Variants in GAS7 observed in about 807,000 individuals in gnomAD.
The protein encoded by GAS7 is growth arrest-specific protein 7.
GAS7 carries 28 observed loss-of-function variants against 71.1 expected under a neutral mutation model. That is an observed-to-expected ratio of 0.39 (90% CI 0.29 to 0.54). The LOEUF is 0.54. GAS7 is among the 20% of genes least tolerant of loss of function. GAS7 has a pLI of 0.62. For missense variants in GAS7, 436 were observed against 627.8 expected, an observed-to-expected ratio of 0.69 and a Z score of 3.27; for synonymous variants, 258 against 245.8, an observed-to-expected ratio of 1.05 and a Z score of -0.46.
At chr17:10,072,304 T>G (rs1381667579) in intron 1 of GAS7, among the ~76,000 whole-genome samples, 1 of 152,176 alleles carries the variant, frequency 6.6e-6, no homozygotes, top group Non-Finnish European at 1.5e-5. Flanking sequence ...AAGGAAAGAC[T>G]GGGGCCCCAG....
At chr17:10,016,594 G>T (rs1597695300) in intron 2 of GAS7, among the ~76,000 whole-genome samples, 2 of 99,664 alleles carry the variant, frequency 2.0e-5, no homozygotes, top group Admixed American at 1.4e-4. Flanking sequence ...CTGAAACCCT[G>T]TCTCTACCAA....
chr17:10,084,232 G>C (rs556832771), intron 1 of GAS7, among the ~76,000 whole-genome samples: 303 of 152,192 alleles, frequency 2.0e-3, no homozygotes, highest in Middle Eastern at 0.01. Context: ...TATATTGGTG[G>C]GGGCAGGAAT....
At chr17:10,146,970 G>T (rs1014712521) in intron 1 of GAS7, among the ~76,000 whole-genome samples, 2 of 100,724 alleles carry the variant, frequency 2.0e-5, no homozygotes, top group Non-Finnish European at 4.8e-5. Context: ...TAAAAAAAAC[G>T]ATCTCTGTCT....
In GAS7 at chr17:10,010,657, A is replaced by G. The variant is rs1041729392; in HGVS notation, c.304+9120T>C. On this transcript the variant is annotated intron_variant, in intron 2 of 13. Coordinates refer to ENST00000432992, the MANE Select transcript of GAS7 (RefSeq NM_201433.2). ...TATTACACCTAAACTACTGAATACT[A>G]TAGCTTCGCCTCACCTACCTTAGAC... is the stretch of plus-strand genomic sequence containing the variant. Among the ~76,000 whole-genome samples the G allele has an allele frequency of 7.9e-5, 12 of 152,354 alleles. No homozygotes were observed. The South Asian group carries it at 8.3e-4, about 11-fold the overall frequency.
At chr17:10,114,768 CG>C (rs947967346) in intron 1 of GAS7, among the ~76,000 whole-genome samples, 1 of 151,828 alleles carries the variant, frequency 6.6e-6, no homozygotes, top group African/African-American at 2.4e-5. Flanking sequence ...CCACAGAGAT[CG>C]CATTTTTCCA....
chr17:10,022,649 G>C (rs2072314139), intron 1 of GAS7, among the ~76,000 whole-genome samples: 1 of 152,226 alleles, frequency 6.6e-6, no homozygotes, highest in South Asian at 2.1e-4. Flanking sequence ...GACGGAGAGG[G>C]TAACAATACG....
chr17:10,019,871 C>T lies in GAS7; in HGVS notation c.210G>A (p.Pro70=), dbSNP rs754969105. The change falls in exon 2 of 14, where the codon CCG becomes CCA. Residue 70 remains proline, a synonymous_variant. Transcript: ENST00000432992. Reference sequence around the variant, plus strand: ...GGATGACCGTCTGGCTTTCTTCTCCCGGCGGAGGGGGGACCATTCCAGGCT... The same window carrying T: ...GGATGACCGTCTGGCTTTCTTCTCCTGGCGGAGGGGGGACCATTCCAGGCT... ...LEKPGMVPPP[P]GEESQTVILP... 28 of 1,613,774 alleles carry T rather than the reference C, an allele frequency of 1.7e-5. No homozygotes were observed. The highest frequency in any genetic ancestry group is 1.0e-4 in the Admixed American group (6 of 60,004).
rs1162832538 is a variant in GAS7, at chr17:9,969,552, C to A, written c.471+125G>T. ...CACTGAAACAACCCAGACACAGCAA[C>A]CACTTTCTACCTGGGGGCAGAACTG... On this transcript the variant is annotated intron_variant, in intron 4 of 13. Transcript: ENST00000432992. This position sits in a 1 kb window ranked among gnomAD's most constrained non-coding sequence, Gnocchi z 5.5. The A allele has an allele frequency of 1.5e-6, 1 of 649,156 alleles. No homozygotes were observed. The highest frequency in any genetic ancestry group is 1.8e-5 in the African/African-American group (1 of 55,198). The allele number at this position is 649,156 out of a possible 1,614,324, so 40.2% of individuals were successfully genotyped here. A position where few individuals can be genotyped will look rare whatever the true frequency, so the allele number is the denominator to read the frequency against.
rs113428621 is a variant in GAS7, at chr17:10,105,977, A to G, written c.184-86080T>C. On this transcript the variant is annotated intron_variant, in intron 1 of 13. Transcript: ENST00000432992. ...AGTCTCTCACAACCATCACCTTCTCATCATTATCCCTGCCACCACCCAGGC... is the reference window on the plus strand; with the variant it reads ...AGTCTCTCACAACCATCACCTTCTCGTCATTATCCCTGCCACCACCCAGGC... Among the ~76,000 whole-genome samples the G allele has an allele frequency of 9.9e-3, 1,505 of 152,032 alleles. 26 individuals carry two copies. Among genetic ancestry groups the G allele is most frequent in the African/African-American group, 0.035 (1,440 of 41,474 alleles).
At chr17:10,036,631 GCTCATT>G in intron 1 of GAS7, 2 of 1,438,606 alleles carry the variant, frequency 1.4e-6, no homozygotes, top group Non-Finnish European at 1.8e-6. Context: ...CTGTGGCTTT[GCTCATT>G]GCTGTTCTTT....
In GAS7 at chr17:9,943,187, A is replaced by G. The variant is rs1326389556; in HGVS notation, c.665T>C (p.Leu222Pro). 4 of 1,613,616 alleles carry G rather than the reference A, an allele frequency of 2.5e-6. No homozygotes were observed. Among genetic ancestry groups the G allele is most frequent in the African/African-American group, 1.3e-5 (1 of 75,010 alleles). ...QGNGTVAGFE[L>P]LLQKQLKGKQ... ...GCCCTTCAGCTGTTTCTGGAGCAGT[A>G]GTTCAAACCCAGCCACGGTGCCGTT... The change falls in exon 7 of 14, where the codon CTA (leucine) becomes CCA (proline). Residue 222 changes from leucine to proline, a missense_variant. Coordinates refer to ENST00000432992, the MANE Select transcript of GAS7 (RefSeq NM_201433.2).
chr17:9,923,862 C>A (rs752967913), intron 11 of GAS7, among the ~76,000 whole-genome samples: 2 of 152,196 alleles, frequency 1.3e-5, no homozygotes, highest in Non-Finnish European at 2.9e-5. Flanking sequence ...CTGAAACAAT[C>A]TAAGAGTCCT....
At chr17:10,070,366 T>TTA (rs2073327910) in intron 1 of GAS7, among the ~76,000 whole-genome samples, 2 of 136,286 alleles carry the variant, frequency 1.5e-5, no homozygotes, top group Admixed American at 7.3e-5. Context: ...TTTTTTTTTT[T>TTA]AATTTTTAAT....
chr17:10,015,847 C>T (rs1344163901), intron 2 of GAS7, among the ~76,000 whole-genome samples: 1 of 152,148 alleles, frequency 6.6e-6, no homozygotes, highest in East Asian at 1.9e-4. Context: ...CAGGAAGCCT[C>T]CCCTGATTCC....
chr17:9,959,523 C>G lies in GAS7; in HGVS notation c.472-268G>C, dbSNP rs2069393076. ...TCCAAACCAGGTCTCCCCTCCTCTTCTCTCAGTCTGTGATTTGGGGAGTTA... is the reference window on the plus strand; with the variant it reads ...TCCAAACCAGGTCTCCCCTCCTCTTGTCTCAGTCTGTGATTTGGGGAGTTA... On this transcript the variant is annotated intron_variant, in intron 4 of 13. Transcript: ENST00000432992. This position sits in a 1 kb window ranked among gnomAD's most constrained non-coding sequence, Gnocchi z 5.0. 8.2e-7 allele frequency: 1 copy of G among 1,212,608 alleles called. No homozygotes were observed. The highest frequency in any genetic ancestry group is 1.5e-5 in the African/African-American group (1 of 65,342). 75.1% of individuals were successfully genotyped at this position (1,212,608 alleles called of 1,614,324 possible).
At chr17:10,052,468 AC>A (rs1383622741) in intron 1 of GAS7, among the ~76,000 whole-genome samples, 2 of 152,230 alleles carry the variant, frequency 1.3e-5, no homozygotes, top group Non-Finnish European at 2.9e-5. Flanking sequence ...AAGCATCTCC[AC>A]AGCAAAGAGC....
In GAS7 at chr17:9,934,184, G is replaced by T; in HGVS notation, c.867C>A (p.His289Gln). ...KKSLADEAEVHLKFSAKLHSE... is the reference protein window; with the variant it reads ...KKSLADEAEVQLKFSAKLHSE... ...GGGTTACCTTGGCAGAGAACTTGAG[G>T]TGAACTTCTGCTTCGTCCGCCAGGC... Residue 289 changes from histidine to glutamine, a missense_variant, in exon 9 of 14, where the codon CAC becomes CAA. Coordinates refer to ENST00000432992, the MANE Select transcript of GAS7 (RefSeq NM_201433.2). 1.2e-6 allele frequency: 2 copies of T among 1,611,480 alleles called. No homozygotes were observed. Among genetic ancestry groups the T allele is most frequent in the Non-Finnish European group, 1.7e-6 (2 of 1,177,874 alleles).
At chr17:10,191,798 C>A (rs2074503815) in intron 1 of GAS7, among the ~76,000 whole-genome samples, 1 of 150,600 alleles carries the variant, frequency 6.6e-6, no homozygotes, top group South Asian at 2.1e-4. Flanking sequence ...TCACTTGAAC[C>A]CAGGAGGCGG....
chr17:10,126,581 C>T, intron 1 of GAS7, among the ~76,000 whole-genome samples: 1 of 150,590 alleles, frequency 6.6e-6, no homozygotes, highest in Non-Finnish European at 1.5e-5. Context: ...CTCGAAAACA[C>T]ACACATTCAC....
Sources: allele counts gnomAD v4.1 joint callset (sites outside exome capture counted in the v4.1 genomes callset), GRCh38; gene constraint gnomAD v4.1.1; non-coding constraint Gnocchi (gnomAD v3.1); transcripts MANE v1.5; gene names NCBI Gene and HGNC (gene_info 2026-07-23, HGNC 2026-07-21).